ZFTRAF1: variants seen among roughly 807,000 people sequenced by gnomAD.
The protein encoded by ZFTRAF1 is zinc finger TRAF-type and ring finger containing 1, also known as zinc finger TRAF-type-containing protein 1.
chr8:144,462,259 G>A, the ZFTRAF1 span: 229 of 549,748 alleles, frequency 4.2e-4, no homozygotes, highest in Middle Eastern at 4.7e-4. Context: ...GCTGGGCCGG[G>A]TCGGGGTCGG....
the ZFTRAF1 span, chr8:144,462,471 G>C: frequency 4.8e-6 from 1 of 207,140 alleles, no homozygotes; most frequent in Non-Finnish European, 9.2e-6. Flanking sequence ...TGTAGCTGCC[G>C]GGCGCCCGCC....
At chr8:144,453,119 C>T in the ZFTRAF1 span, 5 of 1,052,822 alleles carry the variant, frequency 4.7e-6, no homozygotes, top group Non-Finnish European at 6.9e-6. Flanking sequence ...GCCCAGACAG[C>T]AGAGACAGCC....
the ZFTRAF1 span, among the ~76,000 whole-genome samples, chr8:144,458,795 G>A: frequency 3.9e-5 from 6 of 152,232 alleles, no homozygotes; most frequent in African/African-American, 1.2e-4. Flanking sequence ...GGGCCCAAGA[G>A]GTGGGCAGGG....
At chr8:144,450,210 C>T in the ZFTRAF1 span, 31 of 585,244 alleles carry the variant, frequency 5.3e-5, 1 homozygote, top group South Asian at 2.0e-4. Context: ...GAGCCGGAGG[C>T]GGGGGCCCCG....
At chr8:144,452,369 A>G in the ZFTRAF1 span, 1 of 1,549,356 alleles carries the variant, frequency 6.5e-7, no homozygotes, top group East Asian at 2.4e-5. Context: ...CTGTGTAGCC[A>G]ATCTTCTCGA....
the ZFTRAF1 span, among the ~76,000 whole-genome samples, chr8:144,461,999 G>C: frequency 2.0e-5 from 3 of 152,272 alleles, no homozygotes; most frequent in East Asian, 5.8e-4. Context: ...AAAGAAGGGA[G>C]AGGTAAGCGG....
At chr8:144,452,441 C>T in the ZFTRAF1 span, 9,406 of 1,549,906 alleles carry the variant, frequency 6.1e-3, 435 homozygotes, top group East Asian at 0.11. Flanking sequence ...TCTGGTCCAT[C>T]CCATCCAGGA....
At chr8:144,451,072 G>A in the ZFTRAF1 span, 4 of 349,484 alleles carry the variant, frequency 1.1e-5, no homozygotes, top group Non-Finnish European at 1.6e-5. Context: ...TCACCGCCCC[G>A]AGCCCCGGGT....
chr8:144,454,450 A>T, the ZFTRAF1 span: 1 of 152,408 alleles, frequency 6.6e-6, no homozygotes, highest in Admixed American at 6.5e-5. Flanking sequence ...AGGGCCAGCC[A>T]GGAGTGACAG....
chr8:144,458,660 G>A, the ZFTRAF1 span, among the ~76,000 whole-genome samples: 1 of 152,208 alleles, frequency 6.6e-6, no homozygotes, highest in Non-Finnish European at 1.5e-5. Flanking sequence ...CTACAGGCGG[G>A]AGGGCCACGG....
chr8:144,458,244 C>T, the ZFTRAF1 span, among the ~76,000 whole-genome samples: 1 of 152,324 alleles, frequency 6.6e-6, no homozygotes, highest in Admixed American at 6.5e-5. Flanking sequence ...CAAACGGTGG[C>T]CAATCAATCC....
At chr8:144,452,508 G>T in the ZFTRAF1 span, 1 of 1,543,742 alleles carries the variant, frequency 6.5e-7, no homozygotes. Context: ...CTCGTGCACC[G>T]TCAGCTCATG....
At chr8:144,452,571 C>A in the ZFTRAF1 span, 1 of 1,535,952 alleles carries the variant, frequency 6.5e-7, no homozygotes, top group Non-Finnish European at 8.7e-7. Context: ...CTGGGTTACC[C>A]TGGGGGAGGC....
chr8:144,459,882 T>C, the ZFTRAF1 span, among the ~76,000 whole-genome samples: 1 of 152,172 alleles, frequency 6.6e-6, no homozygotes, highest in Non-Finnish European at 1.5e-5. Flanking sequence ...CCTGCTGCAT[T>C]CCTGACACTG....
At chr8:144,453,337 G>T in the ZFTRAF1 span, 5 of 1,551,150 alleles carry the variant, frequency 3.2e-6, no homozygotes, top group Non-Finnish European at 3.5e-6. Context: ...GCCAGGTTCC[G>T]GCAGCAGAGG....
the ZFTRAF1 span, chr8:144,452,547 C>T: frequency 1.9e-6 from 3 of 1,538,478 alleles, no homozygotes; most frequent in Non-Finnish European, 1.7e-6. Flanking sequence ...GCAGCCGATG[C>T]GTTTGTACTT....
the ZFTRAF1 span, among the ~76,000 whole-genome samples, chr8:144,459,593 G>A: frequency 0.058 from 8,802 of 152,314 alleles, 343 homozygotes; most frequent in Non-Finnish European, 0.087. Context: ...CTCAGACCTG[G>A]GGCACCACCC....
At chr8:144,459,230 G>A in the ZFTRAF1 span, among the ~76,000 whole-genome samples, 3 of 152,234 alleles carry the variant, frequency 2.0e-5, no homozygotes, top group Non-Finnish European at 4.4e-5. Context: ...GCAGAGCAGG[G>A]AGCCGGCAGG....
the ZFTRAF1 span, chr8:144,450,375 C>T: frequency 2.3e-4 from 161 of 711,722 alleles, 1 homozygote; most frequent in Middle Eastern, 4.6e-4. Context: ...CCTGAGGCCC[C>T]GCCCTACTTC....
Sources: allele counts gnomAD v4.1 joint callset (sites outside exome capture counted in the v4.1 genomes callset), GRCh38; gene constraint gnomAD v4.1.1; transcripts MANE v1.5; gene names NCBI Gene and HGNC (gene_info 2026-07-23, HGNC 2026-07-21).